DGKB: variants seen among roughly 807,000 people sequenced by gnomAD.
The protein encoded by DGKB is diacylglycerol kinase beta, also known as 90 kDa diacylglycerol kinase.
In DGKB, 67 loss-of-function variants were observed where a neutral mutation model predicts 114.3. The observed-to-expected ratio is 0.59, with a 90% CI of 0.48 to 0.72. DGKB has a LOEUF of 0.72. Ranked by LOEUF, DGKB falls within the 30% of genes least tolerant of loss-of-function variation. The pLI is 0.00. For synonymous variants in DGKB, 398 were observed against 323.1 expected, an observed-to-expected ratio of 1.23 and a Z score of -2.49; for missense variants, 907 against 975.2, an observed-to-expected ratio of 0.93 and a Z score of 0.93.
intron 21 of DGKB, among the ~76,000 whole-genome samples, chr7:14,402,969 G>T (rs1583669942): frequency 1.3e-5 from 2 of 151,924 alleles, no homozygotes; most frequent in East Asian, 3.9e-4. Flanking sequence ...GTCTTGCCCT[G>T]CAGTTTTCGG....
intron 25 of DGKB, chr7:14,176,076 CT>C (rs1227288055): frequency 6.6e-6 from 1 of 151,652 alleles, no homozygotes; most frequent in Non-Finnish European, 1.5e-5. Flanking sequence ...CCTAATCCAG[CT>C]TCTTATCATC....
chr7:14,926,472 T>C (rs1225950916), intron 1 of DGKB, among the ~76,000 whole-genome samples: 1 of 151,794 alleles, frequency 6.6e-6, no homozygotes, highest in Non-Finnish European at 1.5e-5. Context: ...TTTTTTCTCA[T>C]TGCTTTGCAT....
chr7:14,387,883 T>A (rs1028108309), intron 21 of DGKB, among the ~76,000 whole-genome samples: 242 of 22,466 alleles, frequency 0.011, no homozygotes, highest in African/African-American at 0.014. Context: ...GTCCTTTTCT[T>A]TTTTTTTTTT....
intron 20 of DGKB, among the ~76,000 whole-genome samples, chr7:14,525,891 A>G (rs1790564557): frequency 6.6e-6 from 1 of 152,162 alleles, no homozygotes; most frequent in Non-Finnish European, 1.5e-5. Flanking sequence ...CAATATTTGA[A>G]GAAATATAGC....
chr7:14,643,589 C>T (rs970196339), intron 13 of DGKB, among the ~76,000 whole-genome samples: 1 of 152,074 alleles, frequency 6.6e-6, no homozygotes, highest in African/African-American at 2.4e-5. Flanking sequence ...AGCATCTGAG[C>T]CCATGTAGCT....
chr7:14,216,580 G>C (rs1435854593), intron 23 of DGKB, among the ~76,000 whole-genome samples: 9 of 151,884 alleles, frequency 5.9e-5, no homozygotes, highest in Admixed American at 5.3e-4. Context: ...ACAAAAATTA[G>C]CCAGGCATAG....
chr7:14,410,137 T>C (rs1420941953), intron 21 of DGKB, among the ~76,000 whole-genome samples: 1 of 151,902 alleles, frequency 6.6e-6, no homozygotes, highest in Non-Finnish European at 1.5e-5. Flanking sequence ...ACAAAATCTG[T>C]ATTCACACTC....
chr7:14,549,462 T>C (rs1055870145), intron 20 of DGKB, among the ~76,000 whole-genome samples: 1 of 152,132 alleles, frequency 6.6e-6, no homozygotes, highest in Non-Finnish European at 1.5e-5. Flanking sequence ...AAATAACCTA[T>C]ATAGTTATTT....
intron 23 of DGKB, among the ~76,000 whole-genome samples, chr7:14,193,780 G>GTAGAC (rs139191520): frequency 0.016 from 2,460 of 152,008 alleles, 161 homozygotes; most frequent in Admixed American, 0.11. Context: ...GAAAATATAT[G>GTAGAC]TAGACTATAC....
chr7:14,405,694 T>C (rs1379359748), intron 21 of DGKB, among the ~76,000 whole-genome samples: 2 of 151,966 alleles, frequency 1.3e-5, no homozygotes, highest in African/African-American at 2.4e-5. Context: ...TCAAGCTATA[T>C]AGGTTGTGCC....
chr7:14,586,815 T>G (rs1800848510), intron 17 of DGKB, among the ~76,000 whole-genome samples: 1 of 151,894 alleles, frequency 6.6e-6, no homozygotes, highest in African/African-American at 2.4e-5. Context: ...TACAGCATGG[T>G]TTACTGAGTA....
intron 23 of DGKB, among the ~76,000 whole-genome samples, chr7:14,270,146 A>G (rs1798079445): frequency 6.6e-6 from 1 of 151,976 alleles, no homozygotes; most frequent in African/African-American, 2.4e-5. Flanking sequence ...ATGGTAGTAG[A>G]AACAGAAAAG....
At chr7:14,627,799 C>A (rs866798693) in intron 14 of DGKB, among the ~76,000 whole-genome samples, 1 of 151,616 alleles carries the variant, frequency 6.6e-6, no homozygotes, top group African/African-American at 2.4e-5. Flanking sequence ...AAAAATTAGC[C>A]GGGCGTGGTC....
chr7:14,870,064 A>G (rs150964809), intron 1 of DGKB, among the ~76,000 whole-genome samples: 1 of 152,244 alleles, frequency 6.6e-6, no homozygotes, highest in African/African-American at 2.4e-5. Context: ...TCTTGGCTCT[A>G]GATGCTCTTC....
chr7:14,186,567 A>G (rs908483367), intron 23 of DGKB, among the ~76,000 whole-genome samples: 49 of 152,242 alleles, frequency 3.2e-4, no homozygotes, highest in Non-Finnish European at 2.4e-4. Flanking sequence ...ATACTTGCAC[A>G]TGCATGTTTA....
intron 2 of DGKB, among the ~76,000 whole-genome samples, chr7:14,808,045 T>C (rs974025715): frequency 2.0e-5 from 3 of 152,060 alleles, no homozygotes; most frequent in African/African-American, 7.2e-5. Context: ...GTCAACCATT[T>C]ACAATGTAAT....
chr7:14,613,354 TC>T lies in DGKB; in HGVS notation c.1343del (p.Gly448GlufsTer15). On this transcript the variant is annotated frameshift_variant, in exon 16 of 26. Transcript: ENST00000402815. LOFTEE classifies it high-confidence loss of function. ...LLVFVNPKSG[G>X]KQGERIYRKF... ...AAAAAACATACCGTTCTCCTTGTTTTCCACCACTTTTGGGGTTCACAAAAAC... is the reference window on the plus strand; with the variant it reads ...AAAAAACATACCGTTCTCCTTGTTTTCACCACTTTTGGGGTTCACAAAAAC... The T allele has an allele frequency of 6.4e-7, 1 of 1,567,430 alleles. No individual in the cohort carries two copies. The highest frequency in any genetic ancestry group is 8.7e-7 in the Non-Finnish European group (1 of 1,153,918).
intron 2 of DGKB, among the ~76,000 whole-genome samples, chr7:14,832,492 T>G (rs960507527): frequency 2.0e-5 from 3 of 152,052 alleles, no homozygotes; most frequent in African/African-American, 7.2e-5. Flanking sequence ...GTCTTTCCTG[T>G]TTTCCATCCA....
At chr7:14,845,852 T>C (rs1848558555) in intron 1 of DGKB, among the ~76,000 whole-genome samples, 1 of 151,332 alleles carries the variant, frequency 6.6e-6, no homozygotes, top group Non-Finnish European at 1.5e-5. Context: ...GAAGTGCACT[T>C]TCAGGTACAA....
Sources: allele counts gnomAD v4.1 joint callset (sites outside exome capture counted in the v4.1 genomes callset), GRCh38; gene constraint gnomAD v4.1.1; transcripts MANE v1.5; gene names NCBI Gene and HGNC (gene_info 2026-07-23, HGNC 2026-07-21).